KNL1: variants seen among roughly 807,000 people sequenced by gnomAD.
KNL1 encodes outer kinetochore KNL1 complex subunit KNL1.
Under a neutral mutation model 201.3 loss-of-function variants are expected in KNL1, and 66 were observed. That is an observed-to-expected ratio of 0.33 (90% CI 0.27 to 0.40). KNL1 has a LOEUF of 0.40. Among genes scored for constraint, KNL1 ranks in the 10% least tolerant of loss-of-function variants. The pLI is 1.00. For missense variants in KNL1, 2,815 were observed against 2,690.5 expected (o/e 1.05, Z -1.02); for synonymous variants, 895 against 899.2 (o/e 1.00, Z 0.08).
At chr15:40,602,203 T>C (rs1387303962) in intron 1 of KNL1, among the ~76,000 whole-genome samples, 1 of 151,512 alleles carries the variant, frequency 6.6e-6, no homozygotes. Context: ...ATTTTTTTTT[T>C]TTTCTATTTT....
intron 4 of KNL1, among the ~76,000 whole-genome samples, chr15:40,608,427 G>A (rs930676417): frequency 3.8e-5 from 5 of 132,268 alleles, no homozygotes; most frequent in African/African-American, 5.9e-5. Context: ...GAACAAAACC[G>A]TCTTGGAAAA....
At chr15:40,629,465 A>ATTT in intron 13 of KNL1, 94 bp downstream of exon 13, 18 of 207,408 alleles carry the variant, frequency 8.7e-5, no homozygotes, top group South Asian at 2.4e-4. Context: ...TCCTATAGAG[A>ATTT]GTTTTCTTTT....
At chr15:40,596,299 C>T (rs533330994) in intron 1 of KNL1, among the ~76,000 whole-genome samples, 13 of 152,188 alleles carry the variant, frequency 8.5e-5, no homozygotes, top group Non-Finnish European at 1.5e-4. Context: ...TTTTGTGAGA[C>T]GGAGTCTCGC....
At position 40,625,249 on chromosome 15, in the gene KNL1, A is replaced by G; in HGVS notation, c.4985A>G (p.Asn1662Ser). The part of the protein sequence containing the change: ...IFLPRLPNKR[N>S]CSVTGIDDLE... ...TTGCCTAGATTGCCCAACAAGAGAAATTGTAGTGTCACTGGTATTGATGAC... is the reference window on the plus strand; with the variant it reads ...TTGCCTAGATTGCCCAACAAGAGAAGTTGTAGTGTCACTGGTATTGATGAC... Residue 1662 changes from asparagine (N) to serine (S), a missense_variant, in exon 10 of 26, where the codon AAT becomes AGT. Asn to Ser is a conservative substitution (Grantham distance 46, BLOSUM62 1). Coordinates refer to ENST00000399668, the MANE Select transcript of KNL1 (RefSeq NM_144508.5). 6.8e-6 allele frequency: 11 copies of G among 1,614,068 alleles called. No homozygotes were observed. The highest frequency in any genetic ancestry group is 9.3e-6 in the Non-Finnish European group (11 of 1,179,956).
chr15:40,647,138 A>G (rs1893414185), intron 17 of KNL1, 64 bp downstream of exon 17: 2 of 811,102 alleles, frequency 2.5e-6, no homozygotes, highest in African/African-American at 1.7e-5. Flanking sequence ...CTCCTACAGT[A>G]GAGAATGTTG....
chr15:40,621,278 A>T lies in KNL1; in HGVS notation c.1014A>T (p.Glu338Asp). The T allele has an allele frequency of 6.2e-7, 1 of 1,614,012 alleles. No individual in the cohort carries two copies. The change falls in exon 10 of 26, where the codon GAA (glutamate) becomes GAT (aspartate). Residue 338 changes from glutamate (E) to aspartate (D), a missense_variant. Physicochemically the swap from Glu to Asp is conservative, Grantham distance 45 (BLOSUM62 2). Coordinates refer to ENST00000399668, the MANE Select transcript of KNL1 (RefSeq NM_144508.5). ...TACCTGCAACAGGTAATTTTTCTGA[A>T]ATAGAAAATCAAACTCAGAATGCCA... ...QILPATGNFS[E>D]IENQTQNAMD...
chr15:40,616,682 T>G (rs1212124728), intron 8 of KNL1, among the ~76,000 whole-genome samples: 4 of 152,222 alleles, frequency 2.6e-5, no homozygotes, highest in Admixed American at 2.6e-4. Context: ...ATTTCATTTC[T>G]TATCCTTCCA....
rs1324934061 is a variant in KNL1 at position 40,623,772 on chromosome 15, C to T, written c.3508C>T (p.His1170Tyr). The T allele has an allele frequency of 1.2e-6, 2 of 1,613,888 alleles. No individual in the cohort carries two copies. Among genetic ancestry groups the T allele is most frequent in the Admixed American group, 1.7e-5 (1 of 59,990 alleles). ...CAGTGATCTGGAAGTCACCGATTCCCATACTGTTTTCATTGACTGTCAAGC... is the reference window on the plus strand; with the variant it reads ...CAGTGATCTGGAAGTCACCGATTCCTATACTGTTTTCATTGACTGTCAAGC... ...NYSDLEVTDSHTVFIDCQATE... is the reference protein window; with the variant it reads ...NYSDLEVTDSYTVFIDCQATE... Residue 1170 changes from histidine to tyrosine, a missense_variant, in exon 10 of 26, where the codon CAT becomes TAT. Physicochemically the swap from His to Tyr is moderately conservative, Grantham distance 83 (BLOSUM62 2). Transcript: ENST00000399668.
rs546031283 is a variant in KNL1, at chr15:40,623,239, C to T, written c.2975C>T (p.Pro992Leu). Residue 992 changes from proline (P) to leucine (L), a missense_variant, in exon 10 of 26, where the codon CCT (proline) becomes CTT (leucine). By Grantham distance (98) the Pro-to-Leu change is moderately conservative (BLOSUM62 -3). Transcript: ENST00000399668. ...GGAACACCAACAGTGATATGTACTC[C>T]TACTGAGGAGAGTGTTTTCTTTCCA... is the stretch of plus-strand genomic sequence containing the variant. ...SLGTPTVICT[P>L]TEESVFFPGN... 10 of 1,613,960 alleles carry T rather than the reference C, an allele frequency of 6.2e-6. No individual in the cohort carries two copies. In the East Asian group the frequency reaches 1.8e-4, roughly 29 times the overall value.
intron 12 of KNL1, among the ~76,000 whole-genome samples, 174 bp from the exon 13 acceptor site, chr15:40,629,099 A>G (rs1368014041): frequency 6.6e-6 from 1 of 152,234 alleles, no homozygotes; most frequent in Admixed American, 6.5e-5. Context: ...TTGTTATTCA[A>G]TAACCTTAAG....
chr15:40,661,142 G>C (rs997887354), intron 25 of KNL1, among the ~76,000 whole-genome samples: 9 of 152,294 alleles, frequency 5.9e-5, no homozygotes, highest in East Asian at 1.9e-4. Context: ...GGGAGGCCAA[G>C]GTGGGCAGAT....
chr15:40,634,762 G>A (rs1461171389), intron 13 of KNL1, among the ~76,000 whole-genome samples: 1 of 152,120 alleles, frequency 6.6e-6, no homozygotes, highest in African/African-American at 2.4e-5. Flanking sequence ...CAGAGGGGAA[G>A]GATAGGAACA....
At position 40,624,960 on chromosome 15, in the gene KNL1, G is replaced by A. The variant is rs754330063; in HGVS notation, c.4696G>A (p.Gly1566Arg). Residue 1566 changes from glycine to arginine, a missense_variant, in exon 10 of 26, where the codon GGA becomes AGA. Gly to Arg is a moderately radical substitution (Grantham distance 125, BLOSUM62 -2). This residue lies in a region of KNL1 where 2,464 missense variants were observed against 2,291.7 expected (regional missense o/e 1.08). Transcript: ENST00000399668. ...CAAACCAAATCTGAATAATTTGAAT[G>A]GAAAAACTGGAGAGTTTTTAGCCTT... Reference protein sequence around the residue: ...SIKPNLNNLNGKTGEFLAFQT... With the variant: ...SIKPNLNNLNRKTGEFLAFQT... 1.9e-6 allele frequency: 3 copies of A among 1,613,800 alleles called. No individual in the cohort carries two copies. Among genetic ancestry groups the A allele is most frequent in the Non-Finnish European group, 1.7e-6 (2 of 1,179,940 alleles).
chr15:40,617,333 C>A (rs973901720), intron 8 of KNL1, among the ~76,000 whole-genome samples: 1 of 152,080 alleles, frequency 6.6e-6, no homozygotes, highest in African/African-American at 2.4e-5. Flanking sequence ...TTTTTCACTT[C>A]ACTTAGTTTA....
intron 1 of KNL1, among the ~76,000 whole-genome samples, chr15:40,598,307 A>G (rs1891680595): frequency 6.6e-6 from 1 of 152,124 alleles, no homozygotes; most frequent in Non-Finnish European, 1.5e-5. Context: ...CTGCTGGCTT[A>G]TACCGGTAAT....
chr15:40,650,517 GTT>G (rs34904135), intron 18 of KNL1, 25 bp from the exon 19 acceptor site: 1,552 of 1,412,908 alleles, frequency 1.1e-3, no homozygotes, highest in Middle Eastern at 2.4e-3. Context: ...TGTTTGTTCT[GTT>G]TTTTTTTTTT....
chr15:40,649,771 T>A (rs1018312476), intron 17 of KNL1, among the ~76,000 whole-genome samples: 2 of 152,162 alleles, frequency 1.3e-5, no homozygotes, highest in African/African-American at 4.8e-5. Context: ...GCCTGATCAT[T>A]TCTACTTTGG....
At position 40,621,265 on chromosome 15, in the gene KNL1, G is replaced by A. The variant is rs181291595; in HGVS notation, c.1001G>A (p.Gly334Asp). The A allele has an allele frequency of 1.2e-6, 2 of 1,613,954 alleles. No homozygotes were observed. The highest frequency in any genetic ancestry group is 2.7e-5 in the African/African-American group (2 of 75,044). Residue 334 changes from glycine to aspartate, a missense_variant, in exon 10 of 26, where the codon GGT becomes GAT. This residue lies in a region of KNL1 where 2,464 missense variants were observed against 2,291.7 expected (regional missense o/e 1.08). Transcript: ENST00000399668. ...NHTLQILPAT[G>D]NFSEIENQTQ... ...ACTTTGCAGATCTTACCTGCAACAG[G>A]TAATTTTTCTGAAATAGAAAATCAA...
At chr15:40,604,481 G>A (rs1340505948) in intron 2 of KNL1, among the ~76,000 whole-genome samples, 2 of 152,146 alleles carry the variant, frequency 1.3e-5, no homozygotes, top group Admixed American at 6.5e-5. Flanking sequence ...TGAATAGCTG[G>A]AAGTATAGAC....
Sources: gnomAD v4.1 joint callset for allele counts (sites outside exome capture counted in the v4.1 genomes callset) on GRCh38, gnomAD v4.1.1 for gene constraint, gnomAD v4.1.1 regional missense constraint, MANE v1.5 for transcripts, NCBI Gene and HGNC (gene_info 2026-07-23, HGNC 2026-07-21) for gene names.